Variants in PPP1R9A observed in about 807,000 individuals in gnomAD.
The protein encoded by PPP1R9A is protein phosphatase 1 regulatory subunit 9A.
A neutral mutation model predicts 141.9 loss-of-function variants in PPP1R9A; 59 were observed. The observed-to-expected ratio is 0.42, with a 90% CI of 0.34 to 0.52. PPP1R9A has a LOEUF of 0.52. Ranked by LOEUF, PPP1R9A falls within the 20% of genes least tolerant of loss-of-function variation. The pLI is 0.10. For synonymous variants in PPP1R9A, 500 were observed against 569.7 expected, an observed-to-expected ratio of 0.88 and a Z score of 1.74; for missense variants, 1,444 against 1,611.9, an observed-to-expected ratio of 0.90 and a Z score of 1.78.
At chr7:95,135,306 A>G (rs1825448205) in intron 4 of PPP1R9A, among the ~76,000 whole-genome samples, 1 of 152,218 alleles carries the variant, frequency 6.6e-6, no homozygotes, top group African/African-American at 2.4e-5. Context: ...TCAGGATCAA[A>G]TTACTTTTGC....
intron 4 of PPP1R9A, among the ~76,000 whole-genome samples, chr7:95,157,851 T>C (rs1180311376): frequency 6.6e-6 from 1 of 152,206 alleles, no homozygotes; most frequent in Non-Finnish European, 1.5e-5. Context: ...AACACTCAAA[T>C]TTTCTTTGAA....
chr7:94,932,755 C>T (rs1794306668), intron 2 of PPP1R9A, among the ~76,000 whole-genome samples: 2 of 142,116 alleles, frequency 1.4e-5, no homozygotes, highest in South Asian at 4.7e-4. Flanking sequence ...TTCCAATCTA[C>T]CTGAAGCATT....
At chr7:94,913,672 A>G (rs956685261) in intron 2 of PPP1R9A, among the ~76,000 whole-genome samples, 9 of 151,524 alleles carry the variant, frequency 5.9e-5, no homozygotes, top group East Asian at 3.9e-4. Context: ...GCTGCTTTCT[A>G]CTGGTCATGG....
chr7:95,017,452 T>C (rs1383712565), intron 2 of PPP1R9A, among the ~76,000 whole-genome samples: 1 of 152,126 alleles, frequency 6.6e-6, no homozygotes, highest in Non-Finnish European at 1.5e-5. Context: ...CCTAACAGCG[T>C]ACTGTTGGAA....
At chr7:95,205,917 GA>G (rs1311371717) in intron 7 of PPP1R9A, among the ~76,000 whole-genome samples, 1 of 151,988 alleles carries the variant, frequency 6.6e-6, no homozygotes, top group Non-Finnish European at 1.5e-5. Flanking sequence ...TTTGCAAGAA[GA>G]CCCTATCTCT....
At chr7:95,195,560 G>T (rs1243611331) in intron 5 of PPP1R9A, among the ~76,000 whole-genome samples, 1 of 151,458 alleles carries the variant, frequency 6.6e-6, no homozygotes, top group Admixed American at 6.6e-5. Context: ...TTACAGGCAT[G>T]AGCCACCGTG....
intron 2 of PPP1R9A, among the ~76,000 whole-genome samples, chr7:94,968,473 T>C (rs1272517815): frequency 6.6e-6 from 1 of 152,214 alleles, no homozygotes; most frequent in Non-Finnish European, 1.5e-5. Flanking sequence ...TTTTGATCTT[T>C]GTTGGTTTAA....
At chr7:95,285,837 C>T (rs1172299692) in intron 17 of PPP1R9A, among the ~76,000 whole-genome samples, 1 of 152,216 alleles carries the variant, frequency 6.6e-6, no homozygotes, top group Non-Finnish European at 1.5e-5. Flanking sequence ...ATAACTCAGC[C>T]TCTCCACACC....
intron 2 of PPP1R9A, among the ~76,000 whole-genome samples, chr7:95,003,607 C>T (rs1803228164): frequency 6.6e-6 from 1 of 152,140 alleles, no homozygotes; most frequent in Admixed American, 6.6e-5. Context: ...AACTTTCAAT[C>T]CCAAACATAG....
At chr7:94,933,045 T>TAA (rs1554420714) in intron 2 of PPP1R9A, among the ~76,000 whole-genome samples, 1 of 151,932 alleles carries the variant, frequency 6.6e-6, no homozygotes, top group East Asian at 1.9e-4. Context: ...CATATATATA[T>TAA]ACACATATTT....
At chr7:95,247,402 T>G in intron 8 of PPP1R9A, 71 bp from the exon 9 acceptor site, 1 of 1,287,408 alleles carries the variant, frequency 7.8e-7, no homozygotes, top group East Asian at 2.3e-5. Flanking sequence ...GGCATTCTTG[T>G]AGCTGCTGAG....
chr7:95,058,139 T>C (rs781438352), intron 2 of PPP1R9A, among the ~76,000 whole-genome samples: 6 of 152,202 alleles, frequency 3.9e-5, no homozygotes, highest in Non-Finnish European at 5.9e-5. Context: ...TAAGGATTGG[T>C]CTTTTGTTCC....
chr7:95,237,352 C>T (rs1022819472), intron 8 of PPP1R9A, among the ~76,000 whole-genome samples: 42 of 151,620 alleles, frequency 2.8e-4, no homozygotes, highest in African/African-American at 9.2e-4. Flanking sequence ...TGCGCCACCA[C>T]ACCCAGCTAA....
chr7:94,987,034 A>C (rs1271638996), intron 2 of PPP1R9A, among the ~76,000 whole-genome samples: 1 of 152,222 alleles, frequency 6.6e-6, no homozygotes, highest in Non-Finnish European at 1.5e-5. Flanking sequence ...GATAACATGA[A>C]CTATCCAGTT....
intron 2 of PPP1R9A, among the ~76,000 whole-genome samples, chr7:95,097,547 C>G (rs891214010): frequency 1.1e-4 from 16 of 152,156 alleles, no homozygotes; most frequent in South Asian, 2.1e-4. Context: ...GTCTCTAAAT[C>G]AAAACCATTT....
chr7:94,911,174 G>T lies in PPP1R9A; in HGVS notation c.1061G>T (p.Arg354Met). 6.2e-7 allele frequency: 1 copy of T among 1,614,188 alleles called. No homozygotes were observed. The highest frequency in any genetic ancestry group is 1.3e-5 in the African/African-American group (1 of 75,058). Residue 354 changes from arginine (R) to methionine (M), a missense_variant, in exon 2 of 20, where the codon AGG becomes ATG. Arg to Met is a moderately conservative substitution (Grantham distance 91). This residue lies in a region of PPP1R9A where 490 missense variants were observed against 521.1 expected (regional missense o/e 0.94). Coordinates refer to ENST00000433360, the MANE Select transcript of PPP1R9A (RefSeq NM_001166160.2). The stretch of plus-strand genomic sequence containing the variant: ...GATGCTGAAGCTAATTTGGTTGGAA[G>T]GGAGGCAGCAAAGCAACAGAGGAAA... Reference protein sequence around the residue: ...LEDAEANLVGREAAKQQRKEL... With the variant: ...LEDAEANLVGMEAAKQQRKEL...
rs549390536 is a variant in PPP1R9A at position 95,226,740 on chromosome 7, C to T, written c.2112+624C>T. Among the ~76,000 whole-genome samples the T allele has an allele frequency of 5.9e-5, 9 of 152,238 alleles. No homozygotes were observed. In the South Asian group the frequency reaches 1.9e-3, roughly 32 times the overall value. On this transcript the variant is annotated intron_variant, in intron 8 of 19. Transcript: ENST00000433360. ...TTCCTTTTCTGCTGATGCTTCCAAA[C>T]CCAGGCAAGGGAGTATGGTGATGCA...
At position 94,911,034 on chromosome 7, in the gene PPP1R9A, A is replaced by G. The variant is rs1562979247; in HGVS notation, c.921A>G (p.Thr307=). The G allele has an allele frequency of 6.2e-7, 1 of 1,614,190 alleles. No homozygotes were observed. ...IQQSKEPEDS[T]SNQQTPDSID... The stretch of plus-strand genomic sequence containing the variant: ...AGAGCAAGGAACCCGAGGACTCCAC[A>G]TCTAATCAACAGACTCCCGACAGCA... The change falls in exon 2 of 20, where the codon ACA becomes ACG. Residue 307 remains threonine, a synonymous_variant. Transcript: ENST00000433360.
At chr7:95,024,291 T>C (rs1806473715) in intron 2 of PPP1R9A, among the ~76,000 whole-genome samples, 1 of 152,104 alleles carries the variant, frequency 6.6e-6, no homozygotes, top group Non-Finnish European at 1.5e-5. Context: ...GTCTGTTAGG[T>C]CACTTGGACC....
Sources: allele counts gnomAD v4.1 joint callset (sites outside exome capture counted in the v4.1 genomes callset), GRCh38; gene constraint gnomAD v4.1.1; regional missense constraint gnomAD v4.1.1; transcripts MANE v1.5; gene names NCBI Gene and HGNC (gene_info 2026-07-23, HGNC 2026-07-21).